The following ATRNL1 variants were observed in gnomAD, a reference collection of about 807,000 sequenced individuals.
ATRNL1 encodes the protein attractin like 1.
A neutral mutation model predicts 182.7 loss-of-function variants in ATRNL1; 95 were observed. The observed-to-expected ratio is 0.52, with a 90% CI of 0.44 to 0.62. The LOEUF is 0.62. Ranked by LOEUF, ATRNL1 falls within the 20% of genes least tolerant of loss-of-function variation. ATRNL1 has a pLI of 0.00. For synonymous variants in ATRNL1, 576 were observed against 568.3 expected (o/e 1.01, Z -0.19); for missense variants, 1,471 against 1,679.5 (o/e 0.88, Z 2.17).
intron 19 of ATRNL1, among the ~76,000 whole-genome samples, chr10:115,337,586 A>G (rs782419143): frequency 1.8e-4 from 27 of 152,072 alleles, no homozygotes; most frequent in East Asian, 3.9e-4. Context: ...TTTACTGTCT[A>G]TGTTCATGAA....
At chr10:115,605,242 C>T (rs185493573) in intron 26 of ATRNL1, among the ~76,000 whole-genome samples, 19 of 152,060 alleles carry the variant, frequency 1.2e-4, no homozygotes, top group African/African-American at 4.3e-4. Flanking sequence ...ATCTTTTGTT[C>T]ACGAGGAACA....
At position 115,848,005 on chromosome 10, in the gene ATRNL1, G is replaced by A. The variant is rs1555099395; in HGVS notation, c.4018+14G>A. Reference sequence around the variant, plus strand: ...CTGGGCAGTCAGGTATGATAAATGAGGAGCCTTCAGCAGTTAAGCAAAACT... The same window carrying A: ...CTGGGCAGTCAGGTATGATAAATGAAGAGCCTTCAGCAGTTAAGCAAAACT... On this transcript the variant is annotated intron_variant, in intron 28 of 28. Transcript: ENST00000355044. 6.8e-7 allele frequency: 1 copy of A among 1,463,698 alleles called. No homozygotes were observed. The highest frequency in any genetic ancestry group is 1.7e-5 in the Admixed American group (1 of 59,532). 90.7% of individuals were successfully genotyped at this position (1,463,698 alleles called of 1,614,324 possible). A position where few individuals can be genotyped will look rare whatever the true frequency, so the allele number is the denominator to read the frequency against.
At chr10:115,923,380 T>C (rs1953125763) in intron 28 of ATRNL1, among the ~76,000 whole-genome samples, 1 of 152,150 alleles carries the variant, frequency 6.6e-6, no homozygotes, top group Admixed American at 6.6e-5. Context: ...CTGCACCTAT[T>C]GACCCATCTC....
At chr10:115,697,979 A>G (rs1223888647) in intron 26 of ATRNL1, among the ~76,000 whole-genome samples, 1 of 152,162 alleles carries the variant, frequency 6.6e-6, no homozygotes, top group Admixed American at 6.6e-5. Flanking sequence ...TTTGAAACAC[A>G]CTAAGTAGAG....
intron 26 of ATRNL1, among the ~76,000 whole-genome samples, chr10:115,558,513 G>C (rs754509402): frequency 2.2e-4 from 33 of 152,330 alleles, no homozygotes; most frequent in Non-Finnish European, 3.1e-4. Flanking sequence ...TGGCGGAAGG[G>C]GGAGGGCTGT....
chr10:115,606,162 A>G (rs1418092004), intron 26 of ATRNL1, among the ~76,000 whole-genome samples: 5 of 152,040 alleles, frequency 3.3e-5, no homozygotes, highest in Admixed American at 1.3e-4. Flanking sequence ...ACACTGTTGT[A>G]TATTTTGCAA....
intron 26 of ATRNL1, among the ~76,000 whole-genome samples, chr10:115,641,539 G>GA (rs1369240304): frequency 6.6e-6 from 1 of 152,136 alleles, no homozygotes; most frequent in Non-Finnish European, 1.5e-5. Flanking sequence ...GGTTGTTTAA[G>GA]AGGGAGACCT....
chr10:115,929,645 T>A (rs1555121109), intron 28 of ATRNL1, among the ~76,000 whole-genome samples: 1 of 152,102 alleles, frequency 6.6e-6, no homozygotes, highest in African/African-American at 2.4e-5. Flanking sequence ...ACCATTATAA[T>A]TTTTGTGATG....
intron 26 of ATRNL1, among the ~76,000 whole-genome samples, chr10:115,694,666 C>T (rs1462788810): frequency 6.6e-6 from 1 of 151,900 alleles, no homozygotes; most frequent in Non-Finnish European, 1.5e-5. Flanking sequence ...CTTATTTAAA[C>T]ATGATTTGAT....
chr10:115,347,155 A>G (rs566142218), intron 19 of ATRNL1, among the ~76,000 whole-genome samples: 1 of 152,276 alleles, frequency 6.6e-6, no homozygotes, highest in South Asian at 2.1e-4. Context: ...TTTGTTACTG[A>G]CGTGATACAT....
intron 1 of ATRNL1, among the ~76,000 whole-genome samples, chr10:115,118,412 C>G (rs890022291): frequency 2.6e-5 from 4 of 152,042 alleles, no homozygotes; most frequent in African/African-American, 9.7e-5. Flanking sequence ...TGTTATCTTT[C>G]TTTAGAGAGT....
chr10:115,585,596 T>G (rs1315010634), intron 26 of ATRNL1, among the ~76,000 whole-genome samples: 2 of 10,914 alleles, frequency 1.8e-4, no homozygotes, highest in Admixed American at 1.6e-3. Context: ...GTTTTCCATT[T>G]GCTTGGTAGA....
At chr10:115,205,075 G>A (rs781958061) in intron 8 of ATRNL1, among the ~76,000 whole-genome samples, 8 of 151,852 alleles carry the variant, frequency 5.3e-5, no homozygotes, top group Non-Finnish European at 1.2e-4. Flanking sequence ...TTGGTGTGAC[G>A]ATTTATATAT....
chr10:115,621,276 T>TATATATATATATATATATAG (rs1268020830), intron 26 of ATRNL1, among the ~76,000 whole-genome samples: 14 of 47,574 alleles, frequency 2.9e-4, no homozygotes, highest in Non-Finnish European at 5.4e-4. Context: ...TATATATATA[T>TATATATATATATATATATAG]AGAGAGAGAG....
At chr10:115,475,350 G>T (rs1288628627) in intron 24 of ATRNL1, among the ~76,000 whole-genome samples, 1 of 151,220 alleles carries the variant, frequency 6.6e-6, no homozygotes, top group African/African-American at 2.4e-5. Context: ...TGATAATTAG[G>T]CAGCTAATAT....
intron 27 of ATRNL1, among the ~76,000 whole-genome samples, chr10:115,773,097 T>C (rs1039994856): frequency 2.6e-5 from 4 of 152,294 alleles, no homozygotes; most frequent in Admixed American, 2.0e-4. Flanking sequence ...GGGACTTTAC[T>C]ATGAGAAATG....
chr10:115,557,015 T>C (rs896046630), intron 26 of ATRNL1, among the ~76,000 whole-genome samples: 8 of 151,986 alleles, frequency 5.3e-5, no homozygotes, highest in Admixed American at 3.3e-4. Context: ...TGTTCTAATA[T>C]GCACTATTGG....
At chr10:115,332,644 T>G (rs1410122065) in intron 18 of ATRNL1, among the ~76,000 whole-genome samples, 1 of 152,220 alleles carries the variant, frequency 6.6e-6, no homozygotes, top group Non-Finnish European at 1.5e-5. Context: ...CTTTCTATAA[T>G]GTGTTACAAT....
At chr10:115,326,161 A>G (rs1312514864) in intron 18 of ATRNL1, among the ~76,000 whole-genome samples, 1 of 152,216 alleles carries the variant, frequency 6.6e-6, no homozygotes, top group Non-Finnish European at 1.5e-5. Context: ...TTTGCAGATG[A>G]CATGATTGTA....
Sources: allele counts gnomAD v4.1 joint callset (sites outside exome capture counted in the v4.1 genomes callset), GRCh38; gene constraint gnomAD v4.1.1; transcripts MANE v1.5; gene names NCBI Gene and HGNC (gene_info 2026-07-23, HGNC 2026-07-21).